The following DAB1 variants were observed in gnomAD, a reference collection of about 807,000 sequenced individuals.
DAB1 encodes the protein disabled homolog 1.
A neutral mutation model predicts 64.6 loss-of-function variants in DAB1; 15 were observed. The observed-to-expected ratio is 0.23, with a 90% confidence interval of 0.16 to 0.36. DAB1 has a LOEUF of 0.36. Ranked by LOEUF, DAB1 falls within the 10% of genes least tolerant of loss-of-function variation. The pLI is 1.00. For synonymous variants in DAB1, 235 were observed against 251.9 expected, an observed-to-expected ratio of 0.93 and a Z score of 0.64; for missense variants, 596 against 706.7, an observed-to-expected ratio of 0.84 and a Z score of 1.78.
intron 5 of DAB1, among the ~76,000 whole-genome samples, chr1:58,081,485 G>C (rs1170639097): frequency 6.6e-6 from 1 of 152,224 alleles, no homozygotes; most frequent in African/African-American, 2.4e-5. Context: ...CCTTGTGGAG[G>C]AAACAGAGAA....
At chr1:57,993,542 A>G (rs1646379803) in intron 5 of DAB1, among the ~76,000 whole-genome samples, 1 of 152,178 alleles carries the variant, frequency 6.6e-6, no homozygotes, top group Admixed American at 6.6e-5. Context: ...GCATTCTTGA[A>G]TATCTGATAA....
intron 2 of DAB1, among the ~76,000 whole-genome samples, chr1:58,511,193 C>CT (rs1646071407): frequency 6.6e-6 from 1 of 152,166 alleles, no homozygotes; most frequent in Non-Finnish European, 1.5e-5. Flanking sequence ...AAGAGTAAGA[C>CT]TAGAGGCATC....
chr1:57,497,207 C>A (rs946438208), intron 7 of DAB1, among the ~76,000 whole-genome samples: 7 of 152,170 alleles, frequency 4.6e-5, no homozygotes, highest in African/African-American at 1.7e-4. Context: ...ATTCTCAATC[C>A]CCTTGCTCTA....
At chr1:57,809,702 C>T (rs1418767016) in intron 6 of DAB1, among the ~76,000 whole-genome samples, 2 of 152,114 alleles carry the variant, frequency 1.3e-5, no homozygotes, top group African/African-American at 4.8e-5. Flanking sequence ...GGGTTCTCCC[C>T]ACATGACACC....
chr1:57,442,924 T>C (rs900794270), intron 7 of DAB1, among the ~76,000 whole-genome samples: 2 of 152,216 alleles, frequency 1.3e-5, no homozygotes, highest in African/African-American at 2.4e-5. Flanking sequence ...GGTTGGATAA[T>C]GTGTCCTACC....
At chr1:57,783,603 AT>A (rs765650370) in intron 6 of DAB1, among the ~76,000 whole-genome samples, 1 of 152,058 alleles carries the variant, frequency 6.6e-6, no homozygotes, top group African/African-American at 2.4e-5. Flanking sequence ...CAGATACTGT[AT>A]TTTTTACAAA....
intron 2 of DAB1, among the ~76,000 whole-genome samples, chr1:58,508,726 A>T (rs1646027815): frequency 6.6e-6 from 1 of 152,130 alleles, no homozygotes; most frequent in Non-Finnish European, 1.5e-5. Context: ...TCTAGGGGCC[A>T]GTGATAATGT....
At chr1:57,595,524 G>T (rs1645497807) in intron 7 of DAB1, among the ~76,000 whole-genome samples, 1 of 152,018 alleles carries the variant, frequency 6.6e-6, no homozygotes, top group Admixed American at 6.6e-5. Context: ...GGGATAATTT[G>T]TCCAGGGTCA....
chr1:58,479,796 T>G (rs1276947019), intron 3 of DAB1, among the ~76,000 whole-genome samples: 3 of 152,202 alleles, frequency 2.0e-5, no homozygotes, highest in African/African-American at 7.2e-5. Flanking sequence ...CTTTGTTCTA[T>G]CTAGGTGAGA....
chr1:57,361,465 A>C (rs1679544471), intron 1 of DAB1, among the ~76,000 whole-genome samples: 1 of 152,166 alleles, frequency 6.6e-6, no homozygotes, highest in Non-Finnish European at 1.5e-5. Flanking sequence ...TATGGTTCCC[A>C]ATATCTGTGT....
chr1:58,152,369 A>G (rs556204180), intron 4 of DAB1, among the ~76,000 whole-genome samples: 1 of 152,328 alleles, frequency 6.6e-6, no homozygotes, highest in East Asian at 1.9e-4. Context: ...GAAATGCCAC[A>G]GTGAATCTGT....
chr1:58,452,863 A>C (rs1028345184), intron 3 of DAB1, among the ~76,000 whole-genome samples: 1 of 151,896 alleles, frequency 6.6e-6, no homozygotes, highest in African/African-American at 2.4e-5. Context: ...ACAAAAAAAA[A>C]ACAAAGCTAA....
chr1:58,126,112 C>T (rs539962300), intron 5 of DAB1, among the ~76,000 whole-genome samples: 23 of 152,276 alleles, frequency 1.5e-4, no homozygotes, highest in African/African-American at 5.1e-4. Flanking sequence ...CTTATTTGGT[C>T]CTAGAATAAA....
intron 7 of DAB1, among the ~76,000 whole-genome samples, chr1:57,598,069 A>G (rs1405397753): frequency 6.6e-6 from 1 of 151,996 alleles, no homozygotes; most frequent in Non-Finnish European, 1.5e-5. Context: ...TGCAAGCTCC[A>G]CCTCCCAGGT....
At chr1:57,168,692 A>G (rs1661436842) in intron 2 of DAB1, among the ~76,000 whole-genome samples, 1 of 152,044 alleles carries the variant, frequency 6.6e-6, no homozygotes, top group Admixed American at 6.6e-5. Flanking sequence ...CCCTTTCACA[A>G]TCTATCAATT....
At chr1:58,186,620 GT>G (rs1657091055) in intron 4 of DAB1, among the ~76,000 whole-genome samples, 1 of 152,138 alleles carries the variant, frequency 6.6e-6, no homozygotes, top group Non-Finnish European at 1.5e-5. Flanking sequence ...ATCTGTATTA[GT>G]TTTATTTTTC....
chr1:58,269,740 T>C (rs1661269335), intron 4 of DAB1, among the ~76,000 whole-genome samples: 1 of 72,634 alleles, frequency 1.4e-5, no homozygotes, highest in Non-Finnish European at 2.9e-5. Context: ...TGGTATCTCA[T>C]TGTGGTTTTG....
chr1:57,400,722 C>A (rs944759745), intron 1 of DAB1, among the ~76,000 whole-genome samples: 2 of 151,912 alleles, frequency 1.3e-5, no homozygotes, highest in African/African-American at 4.8e-5. Flanking sequence ...ACTGCATTAC[C>A]ATCTAGTAAT....
At chr1:57,836,508 C>A (rs1007507820) in intron 1 of DAB1, among the ~76,000 whole-genome samples, 1 of 152,182 alleles carries the variant, frequency 6.6e-6, no homozygotes, top group Non-Finnish European at 1.5e-5. Flanking sequence ...CTTCTATGCT[C>A]ACTCTTTCGG....
Sources: allele counts gnomAD v4.1 joint callset (sites outside exome capture counted in the v4.1 genomes callset), GRCh38; gene constraint gnomAD v4.1.1; transcripts MANE v1.5; gene names NCBI Gene and HGNC (gene_info 2026-07-23, HGNC 2026-07-21).